The following COL25A1 variants were observed in gnomAD, a reference collection of about 807,000 sequenced individuals.
COL25A1 encodes the protein collagen type XXV alpha 1 chain, also known as collagen alpha-1(XXV) chain.
Under a neutral mutation model 128.4 loss-of-function variants are expected in COL25A1, and 103 were observed. That is an observed-to-expected ratio of 0.80 (90% CI 0.68 to 0.94). The LOEUF is 0.94. Ranked by LOEUF, COL25A1 falls within the 40% of genes least tolerant of loss-of-function variation. COL25A1 has a pLI of 0.00. For missense variants in COL25A1, 745 were observed against 840.0 expected (o/e 0.89, Z 1.40); for synonymous variants, 279 against 277.2 (o/e 1.01, Z -0.06).
At chr4:109,018,490 C>T (rs531088083) in intron 5 of COL25A1, among the ~76,000 whole-genome samples, 1 of 152,204 alleles carries the variant, frequency 6.6e-6, no homozygotes. Flanking sequence ...TCCCAAAGTG[C>T]TGGGATTACA....
At chr4:109,065,263 C>A (rs1762320552) in intron 3 of COL25A1, among the ~76,000 whole-genome samples, 2 of 152,136 alleles carry the variant, frequency 1.3e-5, no homozygotes, top group Non-Finnish European at 2.9e-5. Context: ...GCTACACACT[C>A]CGTCTTTCTT....
At chr4:109,136,189 G>A (rs572334167) in intron 3 of COL25A1, among the ~76,000 whole-genome samples, 1 of 152,242 alleles carries the variant, frequency 6.6e-6, no homozygotes, top group Non-Finnish European at 1.5e-5. Context: ...CCTGAGGTCA[G>A]GAGTTCGAGA....
intron 3 of COL25A1, among the ~76,000 whole-genome samples, chr4:109,092,232 T>G (rs1490044784): frequency 6.6e-6 from 1 of 152,096 alleles, no homozygotes; most frequent in Non-Finnish European, 1.5e-5. Flanking sequence ...TCTCAGCACT[T>G]TGGGAGGCTG....
At chr4:108,973,725 T>C (rs1752144704) in intron 8 of COL25A1, among the ~76,000 whole-genome samples, 1 of 152,196 alleles carries the variant, frequency 6.6e-6, no homozygotes, top group Non-Finnish European at 1.5e-5. Context: ...GGCACAGATG[T>C]GAAGTAGAGG....
At chr4:109,288,244 A>G (rs972695965) in intron 3 of COL25A1, among the ~76,000 whole-genome samples, 1 of 152,172 alleles carries the variant, frequency 6.6e-6, no homozygotes, top group South Asian at 2.1e-4. Context: ...GTGAAAAAGA[A>G]AAAGGCTAGA....
At chr4:109,101,373 G>T (rs977073904) in intron 3 of COL25A1, among the ~76,000 whole-genome samples, 2 of 152,170 alleles carry the variant, frequency 1.3e-5, no homozygotes, top group Admixed American at 6.5e-5. Context: ...TAGCAGCAAA[G>T]CTTGCTAAAT....
At chr4:109,024,436 G>T (rs774308014) in intron 5 of COL25A1, among the ~76,000 whole-genome samples, 4 of 151,608 alleles carry the variant, frequency 2.6e-5, no homozygotes, top group African/African-American at 4.8e-5. Flanking sequence ...TAATTTTTGT[G>T]TATATACATA....
intron 12 of COL25A1, among the ~76,000 whole-genome samples, chr4:108,919,438 C>A (rs904353638): frequency 2.0e-5 from 3 of 152,184 alleles, no homozygotes; most frequent in East Asian, 1.9e-4. Flanking sequence ...AGTTGTCCTG[C>A]AACCCATGGG....
intron 3 of COL25A1, among the ~76,000 whole-genome samples, chr4:109,122,521 T>C (rs1472163105): frequency 2.6e-5 from 4 of 151,966 alleles, no homozygotes; most frequent in Non-Finnish European, 5.9e-5. Flanking sequence ...CAAAAGTAGA[T>C]AGAATGTGAG....
At chr4:109,253,779 T>C (rs371967080) in intron 3 of COL25A1, among the ~76,000 whole-genome samples, 1 of 152,180 alleles carries the variant, frequency 6.6e-6, no homozygotes, top group Non-Finnish European at 1.5e-5. Context: ...ATAAAATATT[T>C]CTGTTTACAG....
intron 19 of COL25A1, among the ~76,000 whole-genome samples, chr4:108,871,729 C>T (rs971257112): frequency 3.3e-5 from 5 of 152,190 alleles, no homozygotes; most frequent in Non-Finnish European, 7.3e-5. Context: ...TCGATTTATT[C>T]AAGGAGAAAA....
intron 3 of COL25A1, among the ~76,000 whole-genome samples, chr4:109,239,806 C>T (rs1380983990): frequency 6.6e-6 from 1 of 152,038 alleles, no homozygotes; most frequent in Admixed American, 6.6e-5. Flanking sequence ...AATTTTTTGA[C>T]TGTCTTGTAA....
chr4:108,848,949 TCTAAA>T (rs1735435206), intron 26 of COL25A1, 146 bp from the exon 27 acceptor site: 2 of 625,000 alleles, frequency 3.2e-6, no homozygotes, highest in African/African-American at 3.7e-5. Context: ...ATAGCACATA[TCTAAA>T]CTAAGGGAAG....
At chr4:108,846,591 A>G (rs1735139949) in intron 27 of COL25A1, among the ~76,000 whole-genome samples, 1 of 152,166 alleles carries the variant, frequency 6.6e-6, no homozygotes, top group African/African-American at 2.4e-5. Context: ...ACTGGGACCT[A>G]GTGTTATATA....
intron 3 of COL25A1, among the ~76,000 whole-genome samples, chr4:109,262,724 A>G (rs919398162): frequency 2.2e-4 from 33 of 152,214 alleles, no homozygotes; most frequent in Admixed American, 3.3e-4. Flanking sequence ...AATATAGACA[A>G]AACACTGAAA....
rs115461154 is a variant in COL25A1, at chr4:109,086,844, G to A, written c.368-36665C>T. On this transcript the variant is annotated intron_variant, in intron 3 of 37. Coordinates refer to ENST00000399132, the MANE Select transcript of COL25A1 (RefSeq NM_198721.4). Reference sequence around the variant, plus strand: ...GGGCTCCCCTTACACACCTTTACAGGAGTTAGTTGAATATCACATGCTAGT... The same window carrying A: ...GGGCTCCCCTTACACACCTTTACAGAAGTTAGTTGAATATCACATGCTAGT... Among the ~76,000 whole-genome samples, 1,412 of 152,280 alleles carry A rather than the reference G, an allele frequency of 9.3e-3. 23 individuals carry two copies. The highest frequency in any genetic ancestry group is 0.032 in the African/African-American group (1,333 of 41,562).
At chr4:109,065,545 CGTGTGTGTGTGTGTGTGT>C (rs70949065) in intron 3 of COL25A1, among the ~76,000 whole-genome samples, 5 of 141,192 alleles carry the variant, frequency 3.5e-5, no homozygotes, top group African/African-American at 1.3e-4. Context: ...CGCGCGCGCG[CGTGTGTGTGTGTGTGTGT>C]GTGTGTGTGT....
intron 3 of COL25A1, among the ~76,000 whole-genome samples, chr4:109,093,928 T>A (rs941609600): frequency 5.9e-5 from 9 of 152,148 alleles, no homozygotes; most frequent in Non-Finnish European, 1.2e-4. Context: ...TTTTAACCAT[T>A]TAGAACTTTA....
chr4:109,235,945 G>T (rs1779448227), intron 3 of COL25A1, among the ~76,000 whole-genome samples: 5 of 152,036 alleles, frequency 3.3e-5, no homozygotes, highest in Non-Finnish European at 7.4e-5. Context: ...CTGTGACACA[G>T]ATTCTTCTAT....
Sources: gnomAD v4.1 joint callset for allele counts (sites outside exome capture counted in the v4.1 genomes callset) on GRCh38, gnomAD v4.1.1 for gene constraint, MANE v1.5 for transcripts, NCBI Gene and HGNC (gene_info 2026-07-23, HGNC 2026-07-21) for gene names.